The following LAMA1 variants were observed in gnomAD, a reference collection of about 807,000 sequenced individuals.
LAMA1 encodes laminin subunit alpha 1.
LAMA1 carries 219 observed loss-of-function variants against 348.7 expected under a neutral mutation model. The ratio of observed to expected loss-of-function variants is 0.63; its 90% CI spans 0.56 to 0.70. LAMA1 has a LOEUF of 0.70. Among genes scored for constraint, LAMA1 ranks in the 30% least tolerant of loss-of-function variants. LAMA1 has a pLI of 0.00. For synonymous variants in LAMA1, 1,487 were observed against 1,491.0 expected, an observed-to-expected ratio of 1.00 and a Z score of 0.06; for missense variants, 3,744 against 3,888.0, an observed-to-expected ratio of 0.96 and a Z score of 0.99.
chr18:7,021,031 C>T (rs2057912922), intron 19 of LAMA1, among the ~76,000 whole-genome samples: 2 of 152,188 alleles, frequency 1.3e-5, no homozygotes, highest in South Asian at 2.1e-4. Flanking sequence ...GACCTCCCCT[C>T]CCTGTCTCTG....
chr18:7,079,100 T>G (rs2058182699), intron 3 of LAMA1, among the ~76,000 whole-genome samples: 1 of 152,226 alleles, frequency 6.6e-6, no homozygotes, highest in African/African-American at 2.4e-5. Context: ...ATTTAAATCC[T>G]ACAATGCACA....
intron 1 of LAMA1, among the ~76,000 whole-genome samples, chr18:7,086,550 T>C (rs1179033317): frequency 6.6e-6 from 1 of 151,658 alleles, no homozygotes; most frequent in Non-Finnish European, 1.5e-5. Context: ...TTATCATTCA[T>C]ACAGAGATCA....
At chr18:6,954,252 G>C (rs1394473890) in intron 57 of LAMA1, 1 of 152,316 alleles carries the variant, frequency 6.6e-6, no homozygotes, top group Admixed American at 6.5e-5. Flanking sequence ...TTGGTCTCCC[G>C]TGTGGGTTCT....
intron 3 of LAMA1, among the ~76,000 whole-genome samples, chr18:7,077,165 A>G (rs1241384603): frequency 6.6e-6 from 1 of 151,574 alleles, no homozygotes; most frequent in Non-Finnish European, 1.5e-5. Context: ...AAAGCAGCCT[A>G]TAACTATATG....
chr18:7,099,768 A>G (rs2058283784), intron 1 of LAMA1, among the ~76,000 whole-genome samples: 1 of 152,046 alleles, frequency 6.6e-6, no homozygotes, highest in South Asian at 2.1e-4. Flanking sequence ...AAACAAAAAG[A>G]CAAGCATAGG....
intron 3 of LAMA1, among the ~76,000 whole-genome samples, chr18:7,065,002 G>T (rs2058116756): frequency 6.6e-6 from 1 of 151,392 alleles, no homozygotes; most frequent in Admixed American, 6.6e-5. Flanking sequence ...TTGGGAGGGG[G>T]GCAGGTGGAT....
intron 59 of LAMA1, 68 bp downstream of exon 59, chr18:6,949,033 T>C: frequency 6.3e-7 from 1 of 1,581,576 alleles, no homozygotes; most frequent in Non-Finnish European, 8.7e-7. Context: ...TGCCGTGAGG[T>C]ATGCTCTTCT....
chr18:6,957,087 C>T (rs1420047958), intron 55 of LAMA1: 6 of 368,982 alleles, frequency 1.6e-5, no homozygotes, highest in South Asian at 8.9e-5. Context: ...CTCAGGGACA[C>T]GTTTTTGTCT....
chr18:7,046,256 A>G, intron 6 of LAMA1, 22 bp downstream of exon 6: 1 of 1,509,046 alleles, frequency 6.6e-7, no homozygotes, highest in South Asian at 1.1e-5. Flanking sequence ...GTTTTAGTAA[A>G]ATGTGAAATA....
chr18:6,961,886 T>C, intron 52 of LAMA1, 59 bp downstream of exon 52: 1 of 1,567,626 alleles, frequency 6.4e-7, no homozygotes, highest in South Asian at 1.1e-5. Flanking sequence ...GTTATGATGT[T>C]GATAAATCAA....
intron 44 of LAMA1, among the ~76,000 whole-genome samples, chr18:6,976,421 G>A (rs2057682493): frequency 6.6e-6 from 1 of 152,064 alleles, no homozygotes; most frequent in Non-Finnish European, 1.5e-5. Flanking sequence ...ATAATCATCT[G>A]TTGAATAAAT....
At chr18:7,078,151 T>TTTTTTTTTTA (rs1329285265) in intron 3 of LAMA1, among the ~76,000 whole-genome samples, 6 of 150,168 alleles carry the variant, frequency 4.0e-5, no homozygotes, top group Non-Finnish European at 8.9e-5. Flanking sequence ...TTTTTTTTGT[T>TTTTTTTTTTA]TTTTATTTTA....
intron 1 of LAMA1, among the ~76,000 whole-genome samples, chr18:7,116,017 A>C (rs1020710768): frequency 1.3e-5 from 2 of 151,878 alleles, no homozygotes; most frequent in African/African-American, 2.4e-5. Flanking sequence ...AGGAAGGGTG[A>C]GGGTTGGTGG....
chr18:6,994,702 CAA>C (rs2057773455), intron 34 of LAMA1, among the ~76,000 whole-genome samples: 3 of 120,848 alleles, frequency 2.5e-5, no homozygotes, highest in Non-Finnish European at 5.3e-5. Flanking sequence ...CACACACATA[CAA>C]AATTCATAAA....
rs74407982 is a variant in LAMA1, at chr18:7,011,938, C to T, written c.3507+57G>A. 4 of 1,548,472 alleles carry T rather than the reference C, an allele frequency of 2.6e-6. No homozygotes were observed. In the African/African-American group the frequency reaches 4.1e-5, roughly 16 times the overall value. Reference sequence around the variant, plus strand: ...CACTTGGCTGTGTTTCCCACCCCCACCCACCTCCCAGGGGAGTGGGGTTAG... The same window carrying T: ...CACTTGGCTGTGTTTCCCACCCCCATCCACCTCCCAGGGGAGTGGGGTTAG... On this transcript the variant is annotated intron_variant, in intron 24 of 62. Coordinates refer to ENST00000389658, the MANE Select transcript of LAMA1 (RefSeq NM_005559.4).
chr18:7,083,152 C>A (rs1183607360), intron 1 of LAMA1, among the ~76,000 whole-genome samples: 1 of 151,552 alleles, frequency 6.6e-6, no homozygotes, highest in Non-Finnish European at 1.5e-5. Context: ...TTGCACTAGA[C>A]AGGTTTCTTA....
chr18:7,019,333 C>T (rs969719979), intron 19 of LAMA1, among the ~76,000 whole-genome samples: 3 of 152,120 alleles, frequency 2.0e-5, no homozygotes, highest in Non-Finnish European at 4.4e-5. Context: ...TTGGGACGCC[C>T]ACTCTCCTGC....
At chr18:6,988,918 G>A (rs1008247855) in intron 36 of LAMA1, among the ~76,000 whole-genome samples, 7 of 40,808 alleles carry the variant, frequency 1.7e-4, no homozygotes, top group Admixed American at 6.1e-4. Context: ...AAGAGTCAAC[G>A]TGGCGGGCTG....
chr18:6,966,123 C>CT (rs1461954199), intron 49 of LAMA1, 24 bp downstream of exon 49: 11 of 1,613,436 alleles, frequency 6.8e-6, no homozygotes, highest in Middle Eastern at 1.7e-4. Context: ...ACAGTAGGGC[C>CT]TAGGGCCGCA....
Sources: gnomAD v4.1 joint callset for allele counts (sites outside exome capture counted in the v4.1 genomes callset) on GRCh38, gnomAD v4.1.1 for gene constraint, MANE v1.5 for transcripts, NCBI Gene and HGNC (gene_info 2026-07-23, HGNC 2026-07-21) for gene names.